RANBP2: variants seen among roughly 807,000 people sequenced by gnomAD.
The protein encoded by RANBP2 is E3 SUMO-protein ligase RanBP2.
Under a neutral mutation model 303.6 loss-of-function variants are expected in RANBP2, and 57 were observed. That is an observed-to-expected ratio of 0.19 (90% CI 0.15 to 0.23). RANBP2 has a LOEUF of 0.23. Ranked by LOEUF, RANBP2 falls within the 10% of genes least tolerant of loss-of-function variation. The probability of loss-of-function intolerance (pLI) is 1.00; values close to 1 mark genes in which losing one functional copy is unlikely to be tolerated. For synonymous variants in RANBP2, 1,167 were observed against 1,301.5 expected (o/e 0.90, Z 2.23); for missense variants, 3,138 against 3,780.8 (o/e 0.83, Z 4.46).
the RANBP2 span, among the ~76,000 whole-genome samples, chr2:109,262,959 C>T: frequency 6.6e-6 from 1 of 152,048 alleles, no homozygotes; most frequent in Non-Finnish European, 1.5e-5. Flanking sequence ...CAGCCTCCCA[C>T]GTAGCTGGGA....
At chr2:109,247,027 G>A in the RANBP2 span, among the ~76,000 whole-genome samples, 3 of 152,306 alleles carry the variant, frequency 2.0e-5, no homozygotes, top group African/African-American at 7.2e-5. Flanking sequence ...TTTTTGAGAT[G>A]ATGTGACATC....
the RANBP2 span, among the ~76,000 whole-genome samples, chr2:109,666,401 C>A: frequency 6.9e-4 from 105 of 152,124 alleles, 2 homozygotes; most frequent in East Asian, 0.01. Flanking sequence ...TGAATTATGT[C>A]CTTAATGATA....
the RANBP2 span, among the ~76,000 whole-genome samples, chr2:108,939,755 TG>T: frequency 6.6e-6 from 1 of 152,228 alleles, no homozygotes; most frequent in African/African-American, 2.4e-5. Flanking sequence ...GCTACTGTGC[TG>T]GGTCCTCCCT....
the RANBP2 span, among the ~76,000 whole-genome samples, chr2:108,887,732 G>A: frequency 6.6e-6 from 1 of 152,222 alleles, no homozygotes; most frequent in East Asian, 1.9e-4. Context: ...TTTGTATCCT[G>A]CAACTTTACT....
At chr2:109,102,392 G>T in the RANBP2 span, among the ~76,000 whole-genome samples, 1 of 150,058 alleles carries the variant, frequency 6.7e-6, no homozygotes, top group South Asian at 2.1e-4. Context: ...GAGCCACCGC[G>T]CCCGGCTGCC....
the RANBP2 span, among the ~76,000 whole-genome samples, chr2:109,606,403 G>A: frequency 2.0e-5 from 3 of 152,004 alleles, no homozygotes; most frequent in Non-Finnish European, 1.5e-5. Context: ...GACAAAGCAA[G>A]ACTCTGTCTC....
the RANBP2 span, among the ~76,000 whole-genome samples, chr2:109,420,485 T>G: frequency 6.6e-6 from 1 of 152,122 alleles, no homozygotes; most frequent in Non-Finnish European, 1.5e-5. Flanking sequence ...TTGCTCTGTC[T>G]CCCAGGCTGG....
chr2:109,099,893 C>G, the RANBP2 span, among the ~76,000 whole-genome samples: 3 of 152,124 alleles, frequency 2.0e-5, no homozygotes, highest in Non-Finnish European at 4.4e-5. Flanking sequence ...CACTAAAACT[C>G]TTGGTGTTCA....
At chr2:109,578,774 A>G in the RANBP2 span, among the ~76,000 whole-genome samples, 20 of 147,202 alleles carry the variant, frequency 1.4e-4, no homozygotes, top group African/African-American at 5.0e-4. Context: ...CTCAAAAAAG[A>G]AAAAAAAAAA....
chr2:109,264,289 C>T, the RANBP2 span, among the ~76,000 whole-genome samples: 1 of 147,584 alleles, frequency 6.8e-6, no homozygotes, highest in Admixed American at 6.8e-5. Context: ...CCCCCATCCA[C>T]CTCCACAGGA....
At chr2:109,003,122 C>T in the RANBP2 span, among the ~76,000 whole-genome samples, 16 of 142,744 alleles carry the variant, frequency 1.1e-4, no homozygotes, top group African/African-American at 4.0e-4. Context: ...AGAAGAATCG[C>T]TTGAACTCGG....
At chr2:108,902,082 A>G in the RANBP2 span, among the ~76,000 whole-genome samples, 1 of 152,208 alleles carries the variant, frequency 6.6e-6, no homozygotes, top group Admixed American at 6.5e-5. Flanking sequence ...TACTAAAAAT[A>G]CAAAAATTAG....
At chr2:109,659,640 GA>G in the RANBP2 span, among the ~76,000 whole-genome samples, 2 of 152,224 alleles carry the variant, frequency 1.3e-5, no homozygotes, top group Non-Finnish European at 2.9e-5. Flanking sequence ...AGACAAATCT[GA>G]AAGCCCAGGG....
the RANBP2 span, among the ~76,000 whole-genome samples, chr2:108,908,267 G>A: frequency 6.6e-6 from 1 of 152,128 alleles, no homozygotes; most frequent in Non-Finnish European, 1.5e-5. Flanking sequence ...CGTCTAAGGG[G>A]CTGGGGCTGC....
chr2:109,582,257 G>A, the RANBP2 span, among the ~76,000 whole-genome samples: 3 of 152,074 alleles, frequency 2.0e-5, no homozygotes, highest in South Asian at 6.2e-4. Context: ...ATAGTTGGAA[G>A]AATCAATATA....
chr2:109,675,174 T>A, the RANBP2 span, among the ~76,000 whole-genome samples: 1 of 152,178 alleles, frequency 6.6e-6, no homozygotes, highest in Non-Finnish European at 1.5e-5. Context: ...GATCTCACTA[T>A]GTTCAACTAC....
the RANBP2 span, among the ~76,000 whole-genome samples, chr2:109,547,369 G>GTTT: frequency 1.1e-3 from 131 of 117,846 alleles, 2 homozygotes; most frequent in East Asian, 3.8e-3. Flanking sequence ...TAATAAACTT[G>GTTT]TTTTTTTTTT....
At chr2:109,290,562 C>T in the RANBP2 span, among the ~76,000 whole-genome samples, 1 of 152,244 alleles carries the variant, frequency 6.6e-6, no homozygotes, top group Non-Finnish European at 1.5e-5. Flanking sequence ...TATCCTTTGG[C>T]CCGCCCAATG....
the RANBP2 span, among the ~76,000 whole-genome samples, chr2:109,126,297 C>T: frequency 2.0e-5 from 3 of 152,266 alleles, no homozygotes; most frequent in South Asian, 2.1e-4. Context: ...GAAAGGTGGG[C>T]TTAAGTGGCT....
Sources: gnomAD v4.1 joint callset for allele counts (sites outside exome capture counted in the v4.1 genomes callset) on GRCh38, gnomAD v4.1.1 for gene constraint, MANE v1.5 for transcripts, NCBI Gene and HGNC (gene_info 2026-07-23, HGNC 2026-07-21) for gene names.